The following PRDM16 variants were observed in gnomAD, a reference collection of about 807,000 sequenced individuals.
The protein encoded by PRDM16 is PR/SET domain 16, also known as histone-lysine N-methyltransferase PRDM16.
A neutral mutation model predicts 110.6 loss-of-function variants in PRDM16; 23 were observed. The observed-to-expected ratio is 0.21, with a 90% CI of 0.15 to 0.29. The LOEUF is 0.29. PRDM16 is among the 10% of genes least tolerant of loss of function. The pLI, the probability that PRDM16 is intolerant of heterozygous loss-of-function variation, is 1.00. For missense variants in PRDM16, 1,615 were observed against 1,794.3 expected (o/e 0.90, Z 1.81); for synonymous variants, 799 against 781.8 (o/e 1.02, Z -0.37).
At chr1:3,298,896 C>T (rs1444276987) in intron 3 of PRDM16, among the ~76,000 whole-genome samples, 4 of 152,320 alleles carry the variant, frequency 2.6e-5, no homozygotes, top group African/African-American at 7.2e-5. Context: ...TCCGTAGCTC[C>T]GATGAGCCTG....
In PRDM16 at chr1:3,212,618, A is replaced by T. The variant is rs11803063; in HGVS notation, c.387+26144A>T. Among the ~76,000 whole-genome samples the T allele has an allele frequency of 1.9e-3, 227 of 122,530 alleles. 8 individuals are homozygous for T. Among genetic ancestry groups the T allele is most frequent in the African/African-American group, 7.9e-3 (215 of 27,278 alleles). 80.4% of individuals were successfully genotyped at this position (122,530 alleles called of 152,430 possible). ...GCTCATCCTCCCGGCCCCCTCGCTG[A>T]GGTCCTCCCGCTCATCCTCCCGGCC... is the stretch of plus-strand genomic sequence containing the variant. On this transcript the variant is annotated intron_variant, in intron 2 of 16. Transcript: ENST00000270722.
In PRDM16 at chr1:3,244,039, A is replaced by T; in HGVS notation, c.388-48A>T. 1.3e-6 allele frequency: 2 copies of T among 1,593,264 alleles called. No homozygotes were observed. Among genetic ancestry groups the T allele is most frequent in the Non-Finnish European group, 1.7e-6 (2 of 1,161,148 alleles). Reference sequence around the variant, plus strand: ...ACCATTTAGAACCCAGTGTAGCTTGAGAATGTTTTATCAGAAACTAACAAC... The same window carrying T: ...ACCATTTAGAACCCAGTGTAGCTTGTGAATGTTTTATCAGAAACTAACAAC... On this transcript the variant is annotated intron_variant, in intron 2 of 16. Coordinates refer to ENST00000270722, the MANE Select transcript of PRDM16 (RefSeq NM_022114.4). This position sits in a 1 kb window ranked among gnomAD's most constrained non-coding sequence, Gnocchi z 4.1.
At chr1:3,352,635 G>A (rs961731350) in intron 3 of PRDM16, among the ~76,000 whole-genome samples, 7 of 152,228 alleles carry the variant, frequency 4.6e-5, no homozygotes, top group Non-Finnish European at 1.0e-4. Context: ...GCTTGTTCCC[G>A]AATACTTGCG....
rs538699830 is a variant in PRDM16 at position 3,127,267 on chromosome 1, G to A, written c.37+57971G>A. 1.2e-4 allele frequency among the ~76,000 whole-genome samples: 19 copies of A among 152,332 alleles called. No individual in the cohort carries two copies. The Middle Eastern group carries it at 0.01, about 82-fold the overall frequency. ...GGACAGCCTGTTACGATTTGGCATC[G>A]AGTTATTTAAAATGCATAACGGCGG... On this transcript the variant is annotated intron_variant, in intron 1 of 16. Transcript: ENST00000270722.
intron 2 of PRDM16, among the ~76,000 whole-genome samples, chr1:3,191,123 C>T (rs1638299146): frequency 6.6e-6 from 1 of 152,222 alleles, no homozygotes; most frequent in African/African-American, 2.4e-5. Context: ...GCGGCCCTGC[C>T]TGTAATCAGA....
At chr1:3,241,083 G>A (rs975110556) in intron 2 of PRDM16, among the ~76,000 whole-genome samples, 3 of 152,238 alleles carry the variant, frequency 2.0e-5, no homozygotes, top group Non-Finnish European at 4.4e-5. Flanking sequence ...GGGGGAGCCG[G>A]GGAGCGCGTC....
chr1:3,186,502 A>G, intron 2 of PRDM16, 28 bp downstream of exon 2: 3 of 1,341,138 alleles, frequency 2.2e-6, no homozygotes, highest in Non-Finnish European at 3.0e-6. Flanking sequence ...AGTATGATTG[A>G]TCACGGCCAT....
chr1:3,349,198 G>C (rs894687820), intron 3 of PRDM16, among the ~76,000 whole-genome samples: 12 of 152,202 alleles, frequency 7.9e-5, no homozygotes, highest in Non-Finnish European at 5.9e-5. Flanking sequence ...TGGCCAGGCT[G>C]TCTGGGCGCA....
intron 3 of PRDM16, among the ~76,000 whole-genome samples, chr1:3,349,484 G>A (rs1047054616): frequency 3.3e-5 from 5 of 152,136 alleles, no homozygotes; most frequent in Non-Finnish European, 2.9e-5. Flanking sequence ...CCCAGTCGGC[G>A]CAGCCACTGG....
chr1:3,137,555 C>T (rs986055973), intron 1 of PRDM16, among the ~76,000 whole-genome samples: 14 of 152,292 alleles, frequency 9.2e-5, no homozygotes, highest in Non-Finnish European at 1.9e-4. Context: ...GGCAAGGTCC[C>T]GAAGAACCGT....
chr1:3,340,238 C>G (rs1211084658), intron 3 of PRDM16, among the ~76,000 whole-genome samples: 1 of 152,072 alleles, frequency 6.6e-6, no homozygotes, highest in Admixed American at 6.5e-5. Context: ...ACTGTACCCC[C>G]TAAATCCCCA....
At chr1:3,424,416 A>G (rs1243908706) in intron 12 of PRDM16, among the ~76,000 whole-genome samples, 1 of 152,214 alleles carries the variant, frequency 6.6e-6, no homozygotes, top group Non-Finnish European at 1.5e-5. Flanking sequence ...TCGATCGCTC[A>G]TTATGACGAC....
intron 2 of PRDM16, chr1:3,205,951 G>T (rs1356935691): frequency 6.6e-6 from 1 of 152,342 alleles, no homozygotes; most frequent in African/African-American, 2.4e-5. Context: ...AATGCCGAAG[G>T]AGCCCCCAGC....
At chr1:3,417,273 G>A (rs900757746) in intron 10 of PRDM16, among the ~76,000 whole-genome samples, 8 of 152,238 alleles carry the variant, frequency 5.3e-5, no homozygotes, top group African/African-American at 1.4e-4. Flanking sequence ...TTAGTACTTT[G>A]CCTGCAATTA....
intron 3 of PRDM16, among the ~76,000 whole-genome samples, chr1:3,311,666 C>T (rs548922016): frequency 5.3e-4 from 80 of 152,310 alleles, no homozygotes; most frequent in African/African-American, 1.8e-3. Context: ...CCAGAAAAGG[C>T]GAGAGCTGGG....
At chr1:3,273,975 G>GAAA (rs1569971594) in intron 3 of PRDM16, among the ~76,000 whole-genome samples, 2 of 76,482 alleles carry the variant, frequency 2.6e-5, no homozygotes, top group African/African-American at 2.1e-4. Context: ...GTATGGGGAG[G>GAAA]TAAAAAAAAA....
At chr1:3,102,559 C>T (rs1471972119) in intron 1 of PRDM16, among the ~76,000 whole-genome samples, 1 of 152,212 alleles carries the variant, frequency 6.6e-6, no homozygotes, top group Non-Finnish European at 1.5e-5. Flanking sequence ...CCTGCATTTC[C>T]ATCTCTGGGC....
chr1:3,400,827 G>A (rs1456587741), intron 5 of PRDM16, among the ~76,000 whole-genome samples: 1 of 152,166 alleles, frequency 6.6e-6, no homozygotes, highest in East Asian at 1.9e-4. Context: ...CAGCAGTGGT[G>A]CCTGCCCACT....
chr1:3,300,031 C>A (rs1230131364), intron 3 of PRDM16, among the ~76,000 whole-genome samples: 1 of 87,714 alleles, frequency 1.1e-5, no homozygotes. Context: ...ATGCTGTGGC[C>A]GTGATGTTTC....
Sources: allele counts gnomAD v4.1 joint callset (sites outside exome capture counted in the v4.1 genomes callset), GRCh38; gene constraint gnomAD v4.1.1; non-coding constraint Gnocchi (gnomAD v3.1); transcripts MANE v1.5; gene names NCBI Gene and HGNC (gene_info 2026-07-23, HGNC 2026-07-21).